The following CFAP91 variants were observed in gnomAD, a reference collection of about 807,000 sequenced individuals.
CFAP91 encodes the protein cilia and flagella associated protein 91, also known as cilia- and flagella-associated protein 91.
Under a neutral mutation model 95.9 loss-of-function variants are expected in CFAP91, and 85 were observed. The observed-to-expected ratio is 0.89, with a 90% CI of 0.74 to 1.06. CFAP91 has a LOEUF of 1.06. CFAP91 is among the 50% of genes least tolerant of loss of function. CFAP91 has a pLI of 0.00. For missense variants in CFAP91, 962 were observed against 943.4 expected, an observed-to-expected ratio of 1.02 and a Z score of -0.26; for synonymous variants, 335 against 327.5, an observed-to-expected ratio of 1.02 and a Z score of -0.25.
At chr3:119,713,146 G>T (rs2107860286) in intron 5 of CFAP91, 1 of 147,806 alleles carries the variant, frequency 6.8e-6, no homozygotes, top group South Asian at 2.1e-4. Context: ...TTGAGATGGA[G>T]TCTTGCTCCA....
chr3:119,739,018 G>A (rs1035368749), intron 11 of CFAP91, among the ~76,000 whole-genome samples: 1 of 152,190 alleles, frequency 6.6e-6, no homozygotes, highest in Non-Finnish European at 1.5e-5. Flanking sequence ...TAGCATGGCA[G>A]GGAGTGAATT....
At position 119,707,549 on chromosome 3, in the gene CFAP91, G is replaced by A. The variant is rs760911940; in HGVS notation, c.347G>A (p.Arg116Gln). 76 of 1,573,446 alleles carry A rather than the reference G, an allele frequency of 4.8e-5. No individual in the cohort carries two copies. Among genetic ancestry groups the A allele is most frequent in the Non-Finnish European group, 5.6e-5 (64 of 1,153,020 alleles). The change falls in exon 3 of 18, where the codon CGG becomes CAG. Residue 116 changes from arginine to glutamine, a missense_variant. Physicochemically the swap from Arg to Gln is conservative, Grantham distance 43. Transcript: ENST00000273390. ...AAGGAGAAACACAGAGAAGCCCTCC[G>A]GCAGCTCACCACGTAAGTGTCGGGT... Reference protein sequence around the residue: ...GHKEKHREALRQLTTTDASFQ... With the variant: ...GHKEKHREALQQLTTTDASFQ...
At chr3:119,703,481 C>T (rs1280021103) in intron 1 of CFAP91, among the ~76,000 whole-genome samples, 2 of 152,222 alleles carry the variant, frequency 1.3e-5, no homozygotes, top group East Asian at 3.9e-4. Context: ...GAAACCTGTT[C>T]CGGGCGTTTT....
chr3:119,732,105 A>G (rs1011543533), intron 8 of CFAP91, among the ~76,000 whole-genome samples, 189 bp from the exon 9 acceptor site: 2 of 152,226 alleles, frequency 1.3e-5, no homozygotes, highest in African/African-American at 4.8e-5. Flanking sequence ...TGCCTGTCTC[A>G]TGACAATCTG....
chr3:119,723,688 T>A (rs1481175582), intron 6 of CFAP91, among the ~76,000 whole-genome samples: 3 of 152,212 alleles, frequency 2.0e-5, no homozygotes, highest in Admixed American at 2.0e-4. Context: ...TCATATTTGC[T>A]TTTACTAGAC....
chr3:119,758,032 TTA>T (rs1296541903), intron 17 of CFAP91, among the ~76,000 whole-genome samples: 1 of 152,214 alleles, frequency 6.6e-6, no homozygotes, highest in Admixed American at 6.5e-5. Flanking sequence ...TTATGGGTTT[TTA>T]TATATGTGTG....
intron 6 of CFAP91, among the ~76,000 whole-genome samples, chr3:119,720,496 A>G (rs771135855): frequency 6.6e-6 from 1 of 152,154 alleles, no homozygotes; most frequent in Non-Finnish European, 1.5e-5. Flanking sequence ...AAACCTGAAT[A>G]GAAGAGTAAC....
intron 5 of CFAP91, chr3:119,710,358 A>G (rs1559746619): frequency 6.4e-6 from 1 of 156,922 alleles, no homozygotes. Flanking sequence ...GTGTCTTCAC[A>G]TGGCAGAAGA....
At chr3:119,743,849 A>G in intron 13 of CFAP91, 126 bp from the exon 14 acceptor site, 1 of 835,122 alleles carries the variant, frequency 1.2e-6, no homozygotes, top group Non-Finnish European at 1.8e-6. Flanking sequence ...TAATATTCCC[A>G]GTAAAAATTA....
intron 17 of CFAP91, among the ~76,000 whole-genome samples, chr3:119,760,299 G>A (rs1265243184): frequency 1.3e-5 from 2 of 151,830 alleles, no homozygotes; most frequent in African/African-American, 4.8e-5. Flanking sequence ...AAAGGTCATT[G>A]TGTGGTGATA....
chr3:119,737,468 G>A lies in CFAP91; in HGVS notation c.1447G>A (p.Glu483Lys), dbSNP rs2054033007. ...ACCTCGGCTTCCAACTCCAACCTTG[G>A]AAATGACGTCCAATGTAAGTTGGAA... ...PQPRLPTPTL[E>K]MTSNEEEEME... The change falls in exon 11 of 18, where the codon GAA becomes AAA. Residue 483 changes from glutamate to lysine, a missense_variant. Glu to Lys is a moderately conservative substitution (Grantham distance 56, BLOSUM62 1). Coordinates refer to ENST00000273390, the MANE Select transcript of CFAP91 (RefSeq NM_033364.4). The A allele has an allele frequency of 6.3e-7, 1 of 1,599,164 alleles. No homozygotes were observed. Among genetic ancestry groups the A allele is most frequent in the Non-Finnish European group, 8.5e-7 (1 of 1,171,966 alleles).
In CFAP91 at chr3:119,708,589, A is replaced by G; in HGVS notation, c.360-2A>G. 6.3e-7 allele frequency: 1 copy of G among 1,584,318 alleles called. No individual in the cohort carries two copies. The highest frequency in any genetic ancestry group is 1.4e-5 in the African/African-American group (1 of 73,836). ...GAATAATGTTTTCTTGCTTCATTTT[A>G]GAACTGACGCTTCTTTTCAGATGCC... is the stretch of plus-strand genomic sequence containing the variant. On this transcript the variant is annotated splice_acceptor_variant, in intron 3 of 17. Coordinates refer to ENST00000273390, the MANE Select transcript of CFAP91 (RefSeq NM_033364.4). LOFTEE classifies it high-confidence loss of function.
chr3:119,738,865 T>C (rs895547202), intron 11 of CFAP91, among the ~76,000 whole-genome samples: 2 of 152,220 alleles, frequency 1.3e-5, no homozygotes, highest in African/African-American at 4.8e-5. Flanking sequence ...TACTCTGACA[T>C]AGACTAGCTG....
At chr3:119,731,651 C>T (rs1432089440) in intron 8 of CFAP91, among the ~76,000 whole-genome samples, 3 of 152,150 alleles carry the variant, frequency 2.0e-5, no homozygotes, top group Non-Finnish European at 4.4e-5. Context: ...CATGACGTCA[C>T]GATCTTGTAT....
intron 17 of CFAP91, among the ~76,000 whole-genome samples, chr3:119,764,391 C>T (rs540267591): frequency 3.9e-5 from 6 of 152,142 alleles, no homozygotes; most frequent in Non-Finnish European, 2.9e-5. Context: ...ATTTATTCTA[C>T]CCACCTACTT....
intron 6 of CFAP91, among the ~76,000 whole-genome samples, chr3:119,724,251 T>G (rs985492714): frequency 1.3e-5 from 2 of 151,918 alleles, no homozygotes; most frequent in African/African-American, 2.4e-5. Flanking sequence ...CATAGACACA[T>G]AAATTTGTAT....
chr3:119,724,123 G>C (rs558191901), intron 6 of CFAP91, among the ~76,000 whole-genome samples: 1 of 147,712 alleles, frequency 6.8e-6, no homozygotes, highest in African/African-American at 2.5e-5. Flanking sequence ...AGCCGAGATC[G>C]TGCCATTGCA....
chr3:119,709,099 T>G (rs930363199), intron 4 of CFAP91, among the ~76,000 whole-genome samples: 3 of 152,260 alleles, frequency 2.0e-5, no homozygotes, highest in African/African-American at 7.2e-5. Flanking sequence ...ACATTTGTTC[T>G]CTTTGTATGA....
At chr3:119,707,223 C>A in intron 2 of CFAP91, 181 bp from the exon 3 acceptor site, 1 of 525,668 alleles carries the variant, frequency 1.9e-6, no homozygotes, top group Non-Finnish European at 3.3e-6. Context: ...ACATAAACAG[C>A]CATTGTCATC....
Sources: gnomAD v4.1 joint callset for allele counts (sites outside exome capture counted in the v4.1 genomes callset) on GRCh38, gnomAD v4.1.1 for gene constraint, MANE v1.5 for transcripts, NCBI Gene and HGNC (gene_info 2026-07-23, HGNC 2026-07-21) for gene names.